Variants in CCDC112 observed in about 807,000 individuals in gnomAD.
CCDC112 encodes coiled-coil domain containing 112.
CCDC112 carries 40 observed loss-of-function variants against 66.3 expected under a neutral mutation model. The observed-to-expected ratio is 0.60, with a 90% confidence interval of 0.47 to 0.79. The LOEUF (loss-of-function observed/expected upper bound fraction) is 0.79, where lower values mean the gene tolerates loss of function less well. Ranked by LOEUF, CCDC112 falls within the 30% of genes least tolerant of loss-of-function variation. The pLI, the probability that CCDC112 is intolerant of heterozygous loss-of-function variation, is 0.00. For synonymous variants in CCDC112, 214 were observed against 197.2 expected, an observed-to-expected ratio of 1.09 and a Z score of -0.71; for missense variants, 659 against 603.8, an observed-to-expected ratio of 1.09 and a Z score of -0.96.
intron 1 of CCDC112, among the ~76,000 whole-genome samples, chr5:115,287,623 T>C (rs1253478104): frequency 1.3e-5 from 2 of 150,794 alleles, no homozygotes; most frequent in African/African-American, 4.9e-5. Flanking sequence ...TGAGCCCGAG[T>C]AATAAGAAAA....
Position 115,269,690 on chromosome 5 carries a change from C to T in CCDC112, c.1428+13G>A, listed in dbSNP as rs764209699. On this transcript the variant is annotated intron_variant, in intron 8 of 9. Coordinates refer to ENST00000379611, the MANE Select transcript of CCDC112 (RefSeq NM_001040440.3). ...AGGATAATAACAATGAAAATAATCTCGGTGCAGAGTACCTTTTCTTTTAAT... is the reference window on the plus strand; with the variant it reads ...AGGATAATAACAATGAAAATAATCTTGGTGCAGAGTACCTTTTCTTTTAAT... 9.7e-6 allele frequency: 15 copies of T among 1,540,112 alleles called. No homozygotes were observed. Among genetic ancestry groups the T allele is most frequent in the East Asian group, 2.3e-5 (1 of 43,998 alleles).
intron 7 of CCDC112, among the ~76,000 whole-genome samples, chr5:115,270,996 A>G (rs185504101): frequency 6.4e-4 from 97 of 151,836 alleles, no homozygotes; most frequent in African/African-American, 2.3e-3. Flanking sequence ...CAATCACCAC[A>G]CTCTTTAACA....
Position 115,271,922 on chromosome 5 carries a change from CTTTT to C in CCDC112, c.919-300_919-297del, listed in dbSNP as rs34279929. ...ATGATCCTTCTCCTCTTTACTGCTT[CTTTT>C]TTTTTTTTTTTTTTTGAGACGGAGT... is the stretch of plus-strand genomic sequence containing the variant. On this transcript the variant is annotated intron_variant, in intron 6 of 9. Coordinates refer to ENST00000379611, the MANE Select transcript of CCDC112 (RefSeq NM_001040440.3). 1.6e-4 allele frequency among the ~76,000 whole-genome samples: 21 copies of C among 131,926 alleles called. No homozygotes were observed. The East Asian group carries it at 3.6e-3, about 22-fold the overall frequency. 86.5% of individuals were successfully genotyped at this position (131,926 alleles called of 152,430 possible). A position where few individuals can be genotyped will look rare whatever the true frequency, so the allele number is the denominator to read the frequency against.
chr5:115,283,472 C>A (rs1477434879), intron 2 of CCDC112, among the ~76,000 whole-genome samples: 1 of 152,072 alleles, frequency 6.6e-6, no homozygotes, highest in Admixed American at 6.6e-5. Flanking sequence ...TATTCTCAAC[C>A]CTTCACGCAC....
At position 115,276,089 on chromosome 5, in the gene CCDC112, A is replaced by C; in HGVS notation, c.452-20T>G. 1 of 1,563,116 alleles carries C rather than the reference A, an allele frequency of 6.4e-7. No individual in the cohort carries two copies. Among genetic ancestry groups the C allele is most frequent in the Non-Finnish European group, 8.7e-7 (1 of 1,150,768 alleles). ...CAACAACTGTAAAAGAAACACGGAAAATTATTTTGTGCCATTTTCCCATAT... is the reference window on the plus strand; with the variant it reads ...CAACAACTGTAAAAGAAACACGGAACATTATTTTGTGCCATTTTCCCATAT... On this transcript the variant is annotated intron_variant, in intron 4 of 9. Transcript: ENST00000379611.
chr5:115,285,466 T>C (rs1195210719), intron 1 of CCDC112, among the ~76,000 whole-genome samples: 1 of 152,102 alleles, frequency 6.6e-6, no homozygotes, highest in Non-Finnish European at 1.5e-5. Flanking sequence ...AAGCCAGCCA[T>C]GACAGGAGCA....
intron 1 of CCDC112, 149 bp from the exon 2 acceptor site, chr5:115,285,057 G>A: frequency 1.6e-6 from 1 of 623,282 alleles, no homozygotes; most frequent in Non-Finnish European, 2.8e-6. Context: ...GTACATTTGT[G>A]GAAGAAGGAG....
intron 1 of CCDC112, among the ~76,000 whole-genome samples, chr5:115,293,391 A>G (rs1750018305): frequency 6.6e-6 from 1 of 152,240 alleles, no homozygotes; most frequent in African/African-American, 2.4e-5. Flanking sequence ...ATCATTCCAC[A>G]TTGTATACAT....
intron 2 of CCDC112, 140 bp from the exon 3 acceptor site, chr5:115,279,908 G>A: frequency 8.9e-6 from 5 of 559,634 alleles, no homozygotes; most frequent in Non-Finnish European, 1.5e-5. Flanking sequence ...TGGTTAATAA[G>A]GCTAAGGAAT....
intron 1 of CCDC112, among the ~76,000 whole-genome samples, chr5:115,286,358 G>A (rs2963772): frequency 0.18 from 27,680 of 152,076 alleles, 3,239 homozygotes; most frequent in Middle Eastern, 0.36. Context: ...CATCCGTGTT[G>A]TACCATGAAT....
intron 8 of CCDC112, chr5:115,269,472 C>G: frequency 2.1e-6 from 1 of 471,246 alleles, no homozygotes; most frequent in Non-Finnish European, 3.7e-6. Flanking sequence ...GTAGGGGGAA[C>G]AATAATTCAG....
chr5:115,268,247 A>G (rs571925425), intron 9 of CCDC112, among the ~76,000 whole-genome samples: 2 of 152,294 alleles, frequency 1.3e-5, no homozygotes, highest in Admixed American at 6.5e-5. Context: ...TGAATGTAAT[A>G]TCTAATAGGG....
chr5:115,277,131 T>C, intron 3 of CCDC112, 77 bp from the exon 4 acceptor site: 1 of 790,876 alleles, frequency 1.3e-6, no homozygotes, highest in Non-Finnish European at 2.2e-6. Context: ...CATGTAAGAC[T>C]GATCACTGTT....
chr5:115,286,746 T>C (rs1345525244), intron 1 of CCDC112, among the ~76,000 whole-genome samples: 3 of 151,674 alleles, frequency 2.0e-5, no homozygotes, highest in Non-Finnish European at 2.9e-5. Flanking sequence ...ATCCTGTCTG[T>C]ATAAAAACTT....
chr5:115,288,014 C>T (rs1173027310), intron 1 of CCDC112, among the ~76,000 whole-genome samples: 1 of 151,294 alleles, frequency 6.6e-6, no homozygotes, highest in Non-Finnish European at 1.5e-5. Context: ...GAGTTTTGCT[C>T]TTGTCATCCA....
At chr5:115,269,611 G>T (rs1748913974) in intron 8 of CCDC112, 92 bp downstream of exon 8, 7 of 827,726 alleles carry the variant, frequency 8.5e-6, no homozygotes, top group Non-Finnish European at 1.3e-5. Context: ...TAGAAATAAG[G>T]TGAGATATAA....
intron 3 of CCDC112, 23 bp from the exon 4 acceptor site, chr5:115,277,077 T>G: frequency 7.4e-7 from 1 of 1,355,886 alleles, no homozygotes; most frequent in African/African-American, 1.4e-5. Context: ...AGTATGCACT[T>G]TAAAATAATT....
At chr5:115,272,086 G>A (rs917155418) in intron 6 of CCDC112, among the ~76,000 whole-genome samples, 6 of 151,914 alleles carry the variant, frequency 3.9e-5, no homozygotes, top group Admixed American at 1.3e-4. Flanking sequence ...CACCATGTCT[G>A]GCTAATTTTT....
At chr5:115,286,469 G>T (rs1027020648) in intron 1 of CCDC112, among the ~76,000 whole-genome samples, 10 of 152,256 alleles carry the variant, frequency 6.6e-5, no homozygotes, top group African/African-American at 2.2e-4. Context: ...GACAATTGGG[G>T]TGTTTCCATT....
Sources: gnomAD v4.1 joint callset for allele counts (sites outside exome capture counted in the v4.1 genomes callset) on GRCh38, gnomAD v4.1.1 for gene constraint, MANE v1.5 for transcripts, NCBI Gene and HGNC (gene_info 2026-07-23, HGNC 2026-07-21) for gene names.